SLC44A5: variants seen among roughly 807,000 people sequenced by gnomAD.
SLC44A5 encodes choline transporter-like protein 5.
In SLC44A5, 57 loss-of-function variants were observed where a neutral mutation model predicts 101.8. The observed-to-expected ratio is 0.56, with a 90% confidence interval of 0.45 to 0.70. The LOEUF is 0.70. SLC44A5 is among the 30% of genes least tolerant of loss of function. The probability of loss-of-function intolerance (pLI) is 0.00; values close to 1 mark genes in which losing one functional copy is unlikely to be tolerated. For missense variants in SLC44A5, 737 were observed against 853.1 expected, an observed-to-expected ratio of 0.86 and a Z score of 1.70; for synonymous variants, 281 against 290.9, an observed-to-expected ratio of 0.97 and a Z score of 0.35.
the SLC44A5 span, among the ~76,000 whole-genome samples, chr1:75,669,596 T>C: frequency 6.6e-6 from 1 of 152,184 alleles, no homozygotes; most frequent in African/African-American, 2.4e-5. Flanking sequence ...AAAAATCTTA[T>C]TACTTTTAAT....
chr1:75,418,851 GAATT>G (rs538677927), intron 2 of SLC44A5, among the ~76,000 whole-genome samples: 46 of 152,150 alleles, frequency 3.0e-4, no homozygotes, highest in African/African-American at 8.9e-4. Context: ...TAACTGTGAA[GAATT>G]AATTGCTGTC....
intron 1 of SLC44A5, among the ~76,000 whole-genome samples, chr1:75,556,130 GAT>G (rs1672203360): frequency 6.6e-6 from 1 of 152,014 alleles, no homozygotes; most frequent in Non-Finnish European, 1.5e-5. Flanking sequence ...CAGAGGTGAT[GAT>G]ATAGTTATTA....
chr1:75,594,881 G>A (rs1205902988), intron 1 of SLC44A5, among the ~76,000 whole-genome samples: 1 of 151,624 alleles, frequency 6.6e-6, no homozygotes, highest in Non-Finnish European at 1.5e-5. Flanking sequence ...TAAACAATTA[G>A]TGAGGGTAGA....
intron 23 of SLC44A5, among the ~76,000 whole-genome samples, chr1:75,210,899 TAATA>T (rs1380546852): frequency 2.0e-5 from 3 of 152,196 alleles, no homozygotes; most frequent in Admixed American, 2.0e-4. Flanking sequence ...GAGATATAAT[TAATA>T]AATAACAACT....
chr1:75,477,959 C>A lies in SLC44A5; in HGVS notation c.13+63476G>T, dbSNP rs201257884. On this transcript the variant is annotated intron_variant, in intron 2 of 23. Coordinates refer to ENST00000370859, the MANE Select transcript of SLC44A5 (RefSeq NM_001130058.2). Reference sequence around the variant, plus strand: ...CCAAGACACATAATTGTCAGATTCACCAAAGTTGAAATGAAGGAAAAAATG... The same window carrying A: ...CCAAGACACATAATTGTCAGATTCAACAAAGTTGAAATGAAGGAAAAAATG... Among the ~76,000 whole-genome samples, 135 of 152,008 alleles carry A rather than the reference C, an allele frequency of 8.9e-4. 4 individuals carry two copies. In the East Asian group the frequency reaches 0.025, roughly 28 times the overall value.
At chr1:75,704,973 T>C in the SLC44A5 span, among the ~76,000 whole-genome samples, 1 of 152,210 alleles carries the variant, frequency 6.6e-6, no homozygotes, top group Non-Finnish European at 1.5e-5. Flanking sequence ...GCTGAGATTC[T>C]TGTATCATGT....
At chr1:75,513,574 T>C (rs868613758) in intron 2 of SLC44A5, among the ~76,000 whole-genome samples, 14 of 152,182 alleles carry the variant, frequency 9.2e-5, no homozygotes, top group South Asian at 2.1e-4. Context: ...AACAAAAATA[T>C]GTTTTTCTTT....
At chr1:75,622,573 T>C in the SLC44A5 span, among the ~76,000 whole-genome samples, 1 of 152,066 alleles carries the variant, frequency 6.6e-6, no homozygotes, top group Non-Finnish European at 1.5e-5. Context: ...TCTAATCATA[T>C]AACCCAGAAA....
At chr1:75,272,672 T>C (rs1651585115) in intron 6 of SLC44A5, among the ~76,000 whole-genome samples, 1 of 152,046 alleles carries the variant, frequency 6.6e-6, no homozygotes, top group South Asian at 2.1e-4. Context: ...ACGTTTTGTA[T>C]GCTTTGTCAA....
At chr1:75,700,927 GA>G in the SLC44A5 span, among the ~76,000 whole-genome samples, 1 of 152,070 alleles carries the variant, frequency 6.6e-6, no homozygotes, top group Non-Finnish European at 1.5e-5. Flanking sequence ...TAAATTCCTG[GA>G]GACATACAGC....
intron 11 of SLC44A5, among the ~76,000 whole-genome samples, chr1:75,236,488 G>A (rs867320912): frequency 6.6e-6 from 1 of 151,930 alleles, no homozygotes; most frequent in Admixed American, 6.6e-5. Context: ...TATCGCATAT[G>A]TAGCTATGTA....
intron 2 of SLC44A5, among the ~76,000 whole-genome samples, chr1:75,477,310 CAG>C (rs1284778983): frequency 6.6e-6 from 1 of 152,150 alleles, no homozygotes; most frequent in Non-Finnish European, 1.5e-5. Flanking sequence ...GGGGAAAAAA[CAG>C]AGCAGAAAAA....
At position 75,242,985 on chromosome 1, in the gene SLC44A5, T is replaced by C. The variant is rs1648774983; in HGVS notation, c.372A>G (p.Lys124=). 1.2e-6 allele frequency: 2 copies of C among 1,612,236 alleles called. No homozygotes were observed. Among genetic ancestry groups the C allele is most frequent in the South Asian group, 1.1e-5 (1 of 90,800 alleles). The part of the protein sequence containing the change: ...TQICVSKCPE[K]FLTYVEMQLL... Reference sequence around the variant, plus strand: ...GTTGCATTTCCACATAGGTTAAAAATTTTTCTGGGCACTTGGAGACACAGA... The same window carrying C: ...GTTGCATTTCCACATAGGTTAAAAACTTTTCTGGGCACTTGGAGACACAGA... Residue 124 remains lysine (K), a synonymous_variant, in exon 8 of 24, where the codon AAA becomes AAG. Transcript: ENST00000370859.
At chr1:75,376,193 T>C (rs981854489) in intron 3 of SLC44A5, among the ~76,000 whole-genome samples, 48 of 152,246 alleles carry the variant, frequency 3.2e-4, no homozygotes, top group African/African-American at 7.0e-4. Context: ...CCTACGCCCA[T>C]GGAGTCTCGC....
rs1648676098 is a variant in SLC44A5, at chr1:75,242,010, T to A, written c.523A>T (p.Ser175Cys). ...AATAGTTGCCACTTACAAGGTTTGC[T>A]GGGAAAAATCGCTGTTGGACAATCA... ...DDDCPTAIFP[S>C]KPFLQRCFPD... is the part of the protein sequence containing the mutation. Residue 175 changes from serine (S) to cysteine (C), a missense_variant, in exon 9 of 24, where the codon AGC becomes TGC. This residue lies in a region of SLC44A5 where 665 missense variants were observed against 764.4 expected (regional missense o/e 0.87). Transcript: ENST00000370859. 2 of 1,612,116 alleles carry A rather than the reference T, an allele frequency of 1.2e-6. No individual in the cohort carries two copies. Among genetic ancestry groups the A allele is most frequent in the East Asian group, 4.5e-5 (2 of 44,792 alleles).
chr1:75,333,761 T>C (rs1657233398), intron 4 of SLC44A5, among the ~76,000 whole-genome samples: 1 of 152,146 alleles, frequency 6.6e-6, no homozygotes, highest in Admixed American at 6.5e-5. Flanking sequence ...GTGTGTCTAG[T>C]ACTGATAGGA....
At chr1:75,608,588 A>C (rs2102176430) in intron 1 of SLC44A5, among the ~76,000 whole-genome samples, 1 of 152,160 alleles carries the variant, frequency 6.6e-6, no homozygotes, top group South Asian at 2.1e-4. Flanking sequence ...CAAAGTCTTA[A>C]AACTTTCTAA....
intron 1 of SLC44A5, among the ~76,000 whole-genome samples, chr1:75,545,171 T>G (rs1671577818): frequency 6.6e-6 from 1 of 152,222 alleles, no homozygotes; most frequent in Admixed American, 6.5e-5. Flanking sequence ...TCCATGTCTC[T>G]GCAAAGGACA....
chr1:75,627,666 A>G, the SLC44A5 span, among the ~76,000 whole-genome samples: 1 of 151,952 alleles, frequency 6.6e-6, no homozygotes, highest in African/African-American at 2.4e-5. Context: ...TGACCAACAG[A>G]GCAAGACCAC....
Sources: allele counts gnomAD v4.1 joint callset (sites outside exome capture counted in the v4.1 genomes callset), GRCh38; gene constraint gnomAD v4.1.1; regional missense constraint gnomAD v4.1.1; transcripts MANE v1.5; gene names NCBI Gene and HGNC (gene_info 2026-07-23, HGNC 2026-07-21).